Variants in UGGT2 observed in about 807,000 individuals in gnomAD.
UGGT2 encodes UDP-glucose glycoprotein glucosyltransferase 2, also known as UDP-glucose:glycoprotein glucosyltransferase 2.
A neutral mutation model predicts 192.1 loss-of-function variants in UGGT2; 180 were observed. The ratio of observed to expected loss-of-function variants is 0.94; its 90% CI spans 0.83 to 1.06. The LOEUF (loss-of-function observed/expected upper bound fraction) is 1.06, where lower values mean the gene tolerates loss of function less well. Among genes scored for constraint, UGGT2 ranks in the 50% least tolerant of loss-of-function variants. UGGT2 has a pLI of 0.00. For missense variants in UGGT2, 1,849 were observed against 1,795.7 expected, an observed-to-expected ratio of 1.03 and a Z score of -0.54; for synonymous variants, 580 against 591.0, an observed-to-expected ratio of 0.98 and a Z score of 0.27.
intron 8 of UGGT2, among the ~76,000 whole-genome samples, chr13:95,988,840 A>T (rs1472958849): frequency 6.6e-6 from 1 of 152,164 alleles, no homozygotes; most frequent in Non-Finnish European, 1.5e-5. Flanking sequence ...ACTTGGACCA[A>T]AATCTTCACT....
chr13:95,846,441 G>A (rs1019306018), intron 36 of UGGT2, among the ~76,000 whole-genome samples: 5 of 149,540 alleles, frequency 3.3e-5, no homozygotes, highest in South Asian at 2.2e-4. Context: ...AGGGGGGGAG[G>A]AGGGAGAGGT....
chr13:95,940,048 T>A lies in UGGT2; in HGVS notation c.1721A>T (p.Asp574Val). ...VKKDQNILTVDNVKSVLQNTF... is the reference protein window; with the variant it reads ...VKKDQNILTVVNVKSVLQNTF... ...ATTTTGGAGAACACTCTTCACATTG[T>A]CCACAGTGAGTATATTTTGATCCTT... The change falls in exon 16 of 39, where the codon GAC becomes GTC. Residue 574 changes from aspartate (D) to valine (V), a missense_variant. Coordinates refer to ENST00000376747, the MANE Select transcript of UGGT2 (RefSeq NM_020121.4). 6.3e-7 allele frequency: 1 copy of A among 1,577,644 alleles called. No homozygotes were observed. The highest frequency in any genetic ancestry group is 8.6e-7 in the Non-Finnish European group (1 of 1,160,814).
rs146990164 is a variant in UGGT2, at chr13:95,914,612, T to TAAAAA, written c.2295+11063_2295+11067dup. ...CATTATGGTGAAACTCCATCTCTACTAAAAAAAAAAAAAAAAAAAAAAAAA... is the reference window on the plus strand; with the variant it reads ...CATTATGGTGAAACTCCATCTCTACTAAAAAAAAAAAAAAAAAAAAAAAAAAAAAA... On this transcript the variant is annotated intron_variant, in intron 20 of 38. Coordinates refer to ENST00000376747, the MANE Select transcript of UGGT2 (RefSeq NM_020121.4). Among the ~76,000 whole-genome samples the TAAAAA allele has an allele frequency of 1.4e-4, 11 of 80,994 alleles. 1 individual carries two copies. The highest frequency in any genetic ancestry group is 1.8e-4 in the Non-Finnish European group (8 of 43,488). The allele number at this position is 80,994 out of a possible 152,430, so 53.1% of individuals were successfully genotyped here.
At chr13:95,824,661 C>T (rs906748432) in intron 38 of UGGT2, among the ~76,000 whole-genome samples, 2 of 151,942 alleles carry the variant, frequency 1.3e-5, no homozygotes, top group African/African-American at 2.4e-5. Flanking sequence ...TTATATCTCT[C>T]TAGAAAATTT....
intron 30 of UGGT2, among the ~76,000 whole-genome samples, chr13:95,864,392 A>G (rs887735601): frequency 1.3e-5 from 2 of 152,188 alleles, no homozygotes; most frequent in Non-Finnish European, 2.9e-5. Flanking sequence ...TTTCATTATG[A>G]CAATGTAAAG....
intron 1 of UGGT2, among the ~76,000 whole-genome samples, chr13:96,039,744 A>C (rs1461826336): frequency 6.6e-6 from 1 of 152,194 alleles, no homozygotes; most frequent in Non-Finnish European, 1.5e-5. Context: ...GCTCATATCC[A>C]AGTTCACCAG....
chr13:95,997,099 AG>A (rs2051647406), intron 6 of UGGT2, among the ~76,000 whole-genome samples: 2 of 152,174 alleles, frequency 1.3e-5, no homozygotes, highest in African/African-American at 4.8e-5. Flanking sequence ...TATAAGTAAA[AG>A]CAACCCTGGG....
chr13:95,925,141 TACAG>T (rs1403888283), intron 20 of UGGT2, among the ~76,000 whole-genome samples: 5 of 152,202 alleles, frequency 3.3e-5, no homozygotes, highest in Non-Finnish European at 7.4e-5. Flanking sequence ...AACTTAGAAA[TACAG>T]ACAGTTATGA....
At chr13:95,918,902 G>A (rs956489195) in intron 20 of UGGT2, among the ~76,000 whole-genome samples, 6 of 152,178 alleles carry the variant, frequency 3.9e-5, no homozygotes, top group Middle Eastern at 3.4e-3. Flanking sequence ...GCCAAAACCT[G>A]GCAGAAATAC....
chr13:95,981,711 T>C (rs534926060), intron 10 of UGGT2, among the ~76,000 whole-genome samples: 9 of 152,216 alleles, frequency 5.9e-5, no homozygotes, highest in Non-Finnish European at 8.8e-5. Flanking sequence ...ATGGATGAGA[T>C]GCTGTAACAG....
chr13:95,846,518 G>T (rs1888478917), intron 36 of UGGT2, among the ~76,000 whole-genome samples: 1 of 152,134 alleles, frequency 6.6e-6, no homozygotes. Flanking sequence ...CTTTTCTTAA[G>T]AAATGCTTGT....
intron 38 of UGGT2, among the ~76,000 whole-genome samples, chr13:95,822,109 G>A (rs1214575711): frequency 6.6e-6 from 1 of 152,074 alleles, no homozygotes; most frequent in African/African-American, 2.4e-5. Flanking sequence ...AAATGATAGG[G>A]TATTTGGATG....
intron 27 of UGGT2, among the ~76,000 whole-genome samples, chr13:95,883,077 C>T (rs2047539517): frequency 6.6e-6 from 1 of 151,934 alleles, no homozygotes; most frequent in South Asian, 2.1e-4. Flanking sequence ...ATGGTTATGA[C>T]TGAGTTTTAG....
Position 96,053,211 on chromosome 13 carries a change from C to G in UGGT2, c.102G>C (p.Ser34=). Residue 34 remains serine, a synonymous_variant, in exon 1 of 39, where the codon TCG becomes TCC. Coordinates refer to ENST00000376747, the MANE Select transcript of UGGT2 (RefSeq NM_020121.4). ...ACTTCGCGGCCAAGTGGGCAGTCAC[C>G]GACTTGGACGCGGCGACCGTCCCGG... ...LGSGTVAASK[S]VTAHLAAKWP... 6.5e-7 allele frequency: 1 copy of G among 1,534,306 alleles called. No homozygotes were observed. Among genetic ancestry groups the G allele is most frequent in the Non-Finnish European group, 8.7e-7 (1 of 1,147,002 alleles).
At chr13:95,890,297 A>C (rs913512217) in intron 25 of UGGT2, among the ~76,000 whole-genome samples, 1 of 152,166 alleles carries the variant, frequency 6.6e-6, no homozygotes, top group African/African-American at 2.4e-5. Context: ...ATATAACAAA[A>C]CACCACAGAT....
At chr13:95,983,744 C>T (rs2051201870) in intron 10 of UGGT2, 60 bp downstream of exon 10, 2 of 1,254,950 alleles carry the variant, frequency 1.6e-6, no homozygotes, top group Admixed American at 2.5e-5. Flanking sequence ...ATTGAAGATC[C>T]AAAGTCAGAA....
At chr13:95,926,107 TA>T (rs557189084) in intron 19 of UGGT2, among the ~76,000 whole-genome samples, 41 of 147,354 alleles carry the variant, frequency 2.8e-4, no homozygotes, top group Admixed American at 3.4e-4. Flanking sequence ...TACATTTGTT[TA>T]AAAAAAAAAA....
chr13:95,949,290 A>T, intron 13 of UGGT2, 45 bp downstream of exon 13: 1 of 1,396,738 alleles, frequency 7.2e-7, no homozygotes, highest in Non-Finnish European at 9.4e-7. Flanking sequence ...AAGAATGCTG[A>T]TATCTTTATA....
At chr13:96,008,484 T>C (rs939915465) in intron 5 of UGGT2, among the ~76,000 whole-genome samples, 5 of 152,176 alleles carry the variant, frequency 3.3e-5, no homozygotes, top group African/African-American at 7.2e-5. Flanking sequence ...GACAATCCCA[T>C]AGTCTCTGCA....
Sources: allele counts gnomAD v4.1 joint callset (sites outside exome capture counted in the v4.1 genomes callset), GRCh38; gene constraint gnomAD v4.1.1; transcripts MANE v1.5; gene names NCBI Gene and HGNC (gene_info 2026-07-23, HGNC 2026-07-21).